The following KIAA0319L variants were observed in gnomAD, a reference collection of about 807,000 sequenced individuals.
The protein encoded by KIAA0319L is KIAA0319 like, also known as dyslexia-associated protein KIAA0319-like protein.
Under a neutral mutation model 120.1 loss-of-function variants are expected in KIAA0319L, and 55 were observed. That is an observed-to-expected ratio of 0.46 (90% CI 0.37 to 0.57). KIAA0319L has a LOEUF of 0.57. Ranked by LOEUF, KIAA0319L falls within the 20% of genes least tolerant of loss-of-function variation. KIAA0319L has a pLI of 0.00. For missense variants in KIAA0319L, 1,049 were observed against 1,255.3 expected (o/e 0.84, Z 2.48); for synonymous variants, 398 against 471.9 (o/e 0.84, Z 2.03).
At chr1:35,512,447 C>A in intron 2 of KIAA0319L, among the ~76,000 whole-genome samples, 1 of 149,466 alleles carries the variant, frequency 6.7e-6, no homozygotes, top group Non-Finnish European at 1.5e-5. Context: ...AGTAATCGAA[C>A]AAAAAACAAT....
chr1:35,450,306 G>GCTC, intron 14 of KIAA0319L, 52 bp downstream of exon 14: 1 of 1,558,898 alleles, frequency 6.4e-7, no homozygotes, highest in East Asian at 2.3e-5. Flanking sequence ...GGAACGCGTG[G>GCTC]CTCCTCCTCC....
At chr1:35,536,880 A>G (rs2148482259) in intron 2 of KIAA0319L, among the ~76,000 whole-genome samples, 1 of 152,272 alleles carries the variant, frequency 6.6e-6, no homozygotes, top group Non-Finnish European at 1.5e-5. Context: ...CACTTAAAAA[A>G]AAAAAAACAA....
intron 2 of KIAA0319L, among the ~76,000 whole-genome samples, chr1:35,512,104 T>C (rs1475737533): frequency 6.6e-6 from 1 of 151,740 alleles, no homozygotes; most frequent in Non-Finnish European, 1.5e-5. Context: ...ACCCCGTCAC[T>C]ACTAAAAATA....
chr1:35,548,329 T>C (rs1201185104), intron 2 of KIAA0319L, among the ~76,000 whole-genome samples: 2 of 151,998 alleles, frequency 1.3e-5, no homozygotes, highest in Non-Finnish European at 2.9e-5. Flanking sequence ...CCCTTTTCCA[T>C]CCATCTCCAT....
rs750538375 is a variant in KIAA0319L, at chr1:35,456,074, C to T, written c.1595G>A (p.Gly532Asp). The change falls in exon 10 of 21, where the codon GGC becomes GAC. Residue 532 changes from glycine to aspartate, a missense_variant. By Grantham distance (94) the Gly-to-Asp change is moderately conservative. Transcript: ENST00000325722. ...LFGNQSTDDH[G>D]ITSYEWSLSP... Reference sequence around the variant, plus strand: ...GAGTGACCACTCATAGCTGGTGATGCCATGATCATCAGTGCTCTGGTTCCC... The same window carrying T: ...GAGTGACCACTCATAGCTGGTGATGTCATGATCATCAGTGCTCTGGTTCCC... 1.9e-6 allele frequency: 3 copies of T among 1,614,070 alleles called. No homozygotes were observed. The highest frequency in any genetic ancestry group is 1.1e-5 in the South Asian group (1 of 91,082).
In KIAA0319L at chr1:35,514,129, G is replaced by A. The variant is rs1167898025; in HGVS notation, c.143-6994C>T. The stretch of plus-strand genomic sequence containing the variant: ...CTGGGGTAATGGTTAAGTGAATTAC[G>A]GCATAGCAACTTAACGACTATCATT... On this transcript the variant is annotated intron_variant, in intron 2 of 20. Transcript: ENST00000325722. Among the ~76,000 whole-genome samples, 8 of 151,932 alleles carry A rather than the reference G, an allele frequency of 5.3e-5. No individual in the cohort carries two copies. The East Asian group carries it at 5.8e-4, about 11-fold the overall frequency.
chr1:35,461,137 T>TA (rs1642862922), intron 8 of KIAA0319L, among the ~76,000 whole-genome samples: 1 of 151,926 alleles, frequency 6.6e-6, no homozygotes, highest in African/African-American at 2.4e-5. Flanking sequence ...AATCATTTTT[T>TA]AAAAAAAAGA....
chr1:35,481,825 T>C (rs1644179029), intron 3 of KIAA0319L, among the ~76,000 whole-genome samples: 2 of 132,678 alleles, frequency 1.5e-5, no homozygotes, highest in African/African-American at 5.6e-5. Flanking sequence ...TTTTTTTTTT[T>C]TTTTTTTTTT....
intron 2 of KIAA0319L, among the ~76,000 whole-genome samples, chr1:35,551,637 A>G (rs1647208292): frequency 6.6e-6 from 1 of 151,870 alleles, no homozygotes; most frequent in Non-Finnish European, 1.5e-5. Flanking sequence ...TTTTTCTATT[A>G]GGATATTCCT....
At chr1:35,543,413 T>C (rs1646865476) in intron 2 of KIAA0319L, among the ~76,000 whole-genome samples, 1 of 152,204 alleles carries the variant, frequency 6.6e-6, no homozygotes, top group African/African-American at 2.4e-5. Flanking sequence ...GAAGACTCAT[T>C]GCTGTAAGAT....
Position 35,449,919 on chromosome 1 carries a change from G to A in KIAA0319L, c.2301C>T (p.Thr767=), listed in dbSNP as rs751702590. Residue 767 remains threonine, a synonymous_variant, in exon 15 of 21, where the codon ACC becomes ACT. Transcript: ENST00000325722. ...CTGTGTCACTCTCACCCTTTGCATC[G>A]GTCACTTTCAGGTGAAAAGTGTAGG... The part of the protein sequence containing the change: ...EGTYTFHLKV[T]DAKGESDTDR... 6 of 1,613,962 alleles carry A rather than the reference G, an allele frequency of 3.7e-6. No homozygotes were observed. Among genetic ancestry groups the A allele is most frequent in the African/African-American group, 2.7e-5 (2 of 74,986 alleles).
intron 4 of KIAA0319L, among the ~76,000 whole-genome samples, chr1:35,477,430 G>A (rs1489696405): frequency 6.6e-6 from 1 of 152,178 alleles, no homozygotes; most frequent in Non-Finnish European, 1.5e-5. Context: ...CACTTTGGGA[G>A]GCCAAGGCGG....
chr1:35,513,980 AG>A (rs1293454453), intron 2 of KIAA0319L, among the ~76,000 whole-genome samples: 1 of 152,214 alleles, frequency 6.6e-6, no homozygotes, highest in African/African-American at 2.4e-5. Flanking sequence ...TCCCATCTAG[AG>A]CTAAAATCCC....
At chr1:35,482,258 C>T (rs558121055) in intron 3 of KIAA0319L, among the ~76,000 whole-genome samples, 5 of 152,214 alleles carry the variant, frequency 3.3e-5, no homozygotes, top group Admixed American at 1.3e-4. Context: ...TAACAAAATA[C>T]AAACAAAATG....
rs1003011121 is a variant in KIAA0319L at position 35,466,634 on chromosome 1, C to G, written c.1175G>C (p.Gly392Ala). 1 of 1,613,492 alleles carries G rather than the reference C, an allele frequency of 6.2e-7. No individual in the cohort carries two copies. The highest frequency in any genetic ancestry group is 1.3e-5 in the African/African-American group (1 of 74,892). The change falls in exon 7 of 21, where the codon GGC becomes GCC. Residue 392 changes from glycine to alanine, a missense_variant. Gly to Ala is a moderately conservative substitution (Grantham distance 60, BLOSUM62 0). Coordinates refer to ENST00000325722, the MANE Select transcript of KIAA0319L (RefSeq NM_024874.5). Reference sequence around the variant, plus strand: ...TGGCTTGACTGTCACGTTCACATAGCCTTCCCCATGGGCATTTTGACCCTC... The same window carrying G: ...TGGCTTGACTGTCACGTTCACATAGGCTTCCCCATGGGCATTTTGACCCTC... The part of the protein sequence containing the change: ...IVEGQNAHGE[G>A]YVNVTVKPEP...
At chr1:35,554,171 T>G (rs577758285) in intron 2 of KIAA0319L, among the ~76,000 whole-genome samples, 179 bp downstream of exon 2, 2 of 152,272 alleles carry the variant, frequency 1.3e-5, no homozygotes, top group Admixed American at 1.3e-4. Flanking sequence ...TAAACTCTGG[T>G]TCCAAAACAA....
chr1:35,465,240 G>A (rs1643176148), intron 7 of KIAA0319L, among the ~76,000 whole-genome samples: 1 of 152,236 alleles, frequency 6.6e-6, no homozygotes, highest in Admixed American at 6.5e-5. Flanking sequence ...TGTGAAAGTA[G>A]CTGAGAGGGA....
intron 5 of KIAA0319L, among the ~76,000 whole-genome samples, chr1:35,472,946 G>A (rs916733261): frequency 2.2e-4 from 32 of 146,678 alleles, no homozygotes; most frequent in African/African-American, 7.6e-4. Flanking sequence ...CCACCATCAC[G>A]CCTGGCTTAC....
At chr1:35,539,493 C>G (rs1452172659) in intron 2 of KIAA0319L, among the ~76,000 whole-genome samples, 1 of 152,238 alleles carries the variant, frequency 6.6e-6, no homozygotes, top group Non-Finnish European at 1.5e-5. Context: ...CTGGGGAGCA[C>G]AGCTGAGAGC....
Sources: gnomAD v4.1 joint callset for allele counts (sites outside exome capture counted in the v4.1 genomes callset) on GRCh38, gnomAD v4.1.1 for gene constraint, MANE v1.5 for transcripts, NCBI Gene and HGNC (gene_info 2026-07-23, HGNC 2026-07-21) for gene names.